Variants in TNS1 observed in about 807,000 individuals in gnomAD.
TNS1 encodes tensin-1.
A neutral mutation model predicts 168.6 loss-of-function variants in TNS1; 62 were observed. The observed-to-expected ratio is 0.37, with a 90% confidence interval of 0.30 to 0.45. The LOEUF (loss-of-function observed/expected upper bound fraction) is 0.45, where lower values mean the gene tolerates loss of function less well. TNS1 is among the 20% of genes least tolerant of loss of function. The probability of loss-of-function intolerance (pLI) is 1.00; values close to 1 mark genes in which losing one functional copy is unlikely to be tolerated. For synonymous variants in TNS1, 934 were observed against 933.2 expected (o/e 1.00, Z -0.02); for missense variants, 2,240 against 2,339.4 (o/e 0.96, Z 0.88).
chr2:217,882,184 T>C (rs946285222), intron 17 of TNS1, 162 bp downstream of exon 17: 12 of 578,796 alleles, frequency 2.1e-5, no homozygotes, highest in Non-Finnish European at 3.4e-5. Flanking sequence ...CACTGGTTCA[T>C]GTTTAGCTAG....
intron 1 of TNS1, among the ~76,000 whole-genome samples, chr2:217,996,023 G>T (rs1958462839): frequency 6.6e-6 from 1 of 152,200 alleles, no homozygotes; most frequent in Non-Finnish European, 1.5e-5. Context: ...GCCTTGGCGA[G>T]AGTCCTTGGC....
At chr2:218,004,356 A>G (rs1958631381), upstream of TNS1, among the ~76,000 whole-genome samples, 1 of 151,626 alleles carries the variant, frequency 6.6e-6, no homozygotes, top group South Asian at 2.1e-4. Flanking sequence ...GAAGGGTTAC[A>G]GATCCCCTGC....
At chr2:218,026,391 A>G (rs962779579) in intron 1 of TNS1, among the ~76,000 whole-genome samples, 1 of 152,170 alleles carries the variant, frequency 6.6e-6, no homozygotes, top group Non-Finnish European at 1.5e-5. Flanking sequence ...CGAGGAGTGG[A>G]CGAGACAGAC....
chr2:218,030,951 A>G (rs1172254964), intron 1 of TNS1, among the ~76,000 whole-genome samples: 2 of 151,248 alleles, frequency 1.3e-5, no homozygotes, highest in South Asian at 2.1e-4. Flanking sequence ...ATGAGTGTGT[A>G]TGTGTGTGAG....
chr2:217,918,455 C>T (rs779069437), intron 4 of TNS1, among the ~76,000 whole-genome samples: 29 of 152,196 alleles, frequency 1.9e-4, no homozygotes, highest in Admixed American at 4.6e-4. Context: ...GGCAGAGCCC[C>T]CTGCACAGGC....
intron 1 of TNS1, among the ~76,000 whole-genome samples, chr2:218,024,211 C>T (rs1958833369): frequency 6.6e-6 from 1 of 152,146 alleles, no homozygotes; most frequent in South Asian, 2.1e-4. Context: ...TGTTTCCCCT[C>T]TGAGTTGAAG....
At chr2:217,915,808 A>G (rs7591978) in intron 4 of TNS1, among the ~76,000 whole-genome samples, 5,466 of 152,290 alleles carry the variant, frequency 0.036, 352 homozygotes, top group African/African-American at 0.12. Flanking sequence ...TGCTCCATGT[A>G]CAGTTTGTTC....
chr2:217,852,744 G>C (rs1947672647), intron 18 of TNS1, among the ~76,000 whole-genome samples: 1 of 152,180 alleles, frequency 6.6e-6, no homozygotes, highest in Non-Finnish European at 1.5e-5. Flanking sequence ...GTGGGCTCCT[G>C]TTTGCAGCAA....
chr2:217,965,315 AT>A (rs1339789573), intron 3 of TNS1, among the ~76,000 whole-genome samples: 6 of 152,218 alleles, frequency 3.9e-5, no homozygotes, highest in Non-Finnish European at 8.8e-5. Context: ...CAAGGTCAGC[AT>A]GATATCAGCA....
Position 218,002,886 on chromosome 2 carries a change from C to T in TNS1, c.-14G>A, listed in dbSNP as rs768878809. The T allele has an allele frequency of 1.1e-5, 5 of 456,700 alleles. No individual in the cohort carries two copies. The highest frequency in any genetic ancestry group is 3.1e-5 in the South Asian group (2 of 64,578). The allele number at this position is 456,700 out of a possible 1,614,324, so 28.3% of individuals were successfully genotyped here. A position where few individuals can be genotyped will look rare whatever the true frequency, so the allele number is the denominator to read the frequency against. Reference sequence around the variant, plus strand: ...GATCCACGTCATCTTTGCTGGGTCCCGTCACTGAGGCACGCCCAGGGCCTG... The same window carrying T: ...GATCCACGTCATCTTTGCTGGGTCCTGTCACTGAGGCACGCCCAGGGCCTG... On this transcript the variant is annotated 5_prime_UTR_variant, in exon 1 of 33. Transcript: ENST00000682258.
At chr2:217,989,738 A>T (rs1958303276) in intron 2 of TNS1, among the ~76,000 whole-genome samples, 1 of 152,036 alleles carries the variant, frequency 6.6e-6, no homozygotes, top group African/African-American at 2.4e-5. Flanking sequence ...CTGCCACAGG[A>T]GAGGGCTGGG....
intron 19 of TNS1, among the ~76,000 whole-genome samples, chr2:217,845,070 A>T (rs1013339083): frequency 1.3e-5 from 2 of 152,198 alleles, no homozygotes; most frequent in African/African-American, 4.8e-5. Flanking sequence ...AAATTAGAAA[A>T]CTGCCCCTAC....
At chr2:217,825,232 G>A (rs1370556698) in intron 22 of TNS1, among the ~76,000 whole-genome samples, 1 of 152,106 alleles carries the variant, frequency 6.6e-6, no homozygotes, top group Non-Finnish European at 1.5e-5. Context: ...GATAGCTTTG[G>A]CCTTTGGCTA....
At chr2:217,894,940 A>G (rs1387697812) in intron 9 of TNS1, 66 bp downstream of exon 9, 15 of 1,447,322 alleles carry the variant, frequency 1.0e-5, no homozygotes, top group African/African-American at 1.4e-5. Context: ...ATTATGTGGG[A>G]ACTCCAGAGA....
At chr2:217,915,276 G>A (rs931075363) in intron 4 of TNS1, among the ~76,000 whole-genome samples, 1 of 152,180 alleles carries the variant, frequency 6.6e-6, no homozygotes, top group Admixed American at 6.5e-5. Context: ...CTGCTTCCAT[G>A]AGGCAGCACA....
intron 22 of TNS1, among the ~76,000 whole-genome samples, chr2:217,827,958 T>C (rs1208538095): frequency 1.3e-5 from 2 of 152,170 alleles, no homozygotes; most frequent in Non-Finnish European, 2.9e-5. Flanking sequence ...CTGGAGAGTG[T>C]TTGAGATACC....
At chr2:217,883,619 C>T (rs554349882) in intron 16 of TNS1, among the ~76,000 whole-genome samples, 38 of 152,304 alleles carry the variant, frequency 2.5e-4, no homozygotes, top group African/African-American at 8.7e-4. Flanking sequence ...ACTCCCACTA[C>T]GTAAGAGGAG....
intron 1 of TNS1, among the ~76,000 whole-genome samples, chr2:217,993,346 A>G (rs1958412352): frequency 6.6e-6 from 1 of 152,236 alleles, no homozygotes; most frequent in Admixed American, 6.5e-5. Flanking sequence ...TACAAAGAAG[A>G]AGAAAGTAAC....
At chr2:217,879,294 C>T (rs1212216474) in intron 18 of TNS1, 1 of 352,822 alleles carries the variant, frequency 2.8e-6, no homozygotes, top group Non-Finnish European at 5.7e-6. Flanking sequence ...AGTAAAAATT[C>T]TTTCCAATTG....
Sources: allele counts gnomAD v4.1 joint callset (sites outside exome capture counted in the v4.1 genomes callset), GRCh38; gene constraint gnomAD v4.1.1; transcripts MANE v1.5; gene names NCBI Gene and HGNC (gene_info 2026-07-23, HGNC 2026-07-21).